Variants in VAX2 observed in about 807,000 individuals in gnomAD.
The protein encoded by VAX2 is ventral anterior homeobox 2.
Under a neutral mutation model 12.5 loss-of-function variants are expected in VAX2, and 8 were observed. The observed-to-expected ratio is 0.64, with a 90% confidence interval of 0.37 to 1.15. VAX2 has a LOEUF of 1.15. Ranked by LOEUF, VAX2 falls within the 50% of genes most tolerant of loss-of-function variation. VAX2 has a pLI of 0.01. For missense variants in VAX2, 476 were observed against 412.9 expected (o/e 1.15, Z -1.32); for synonymous variants, 183 against 187.6 (o/e 0.98, Z 0.20).
intron 1 of VAX2, among the ~76,000 whole-genome samples, chr2:70,913,704 TAAATAAATAAATA>T (rs1246152759): frequency 1.3e-5 from 2 of 151,424 alleles, no homozygotes; most frequent in African/African-American, 2.4e-5. Context: ...AATAAATAAA[TAAATAAATAAATA>T]AATAACTTTA....
intron 1 of VAX2, among the ~76,000 whole-genome samples, chr2:70,909,155 T>C (rs1312696498): frequency 1.3e-5 from 2 of 152,104 alleles, no homozygotes; most frequent in African/African-American, 2.4e-5. Context: ...GTCTTTTTAT[T>C]TTTATTATGT....
At chr2:70,927,720 G>A (rs1312934140) in intron 2 of VAX2, among the ~76,000 whole-genome samples, 3 of 152,034 alleles carry the variant, frequency 2.0e-5, no homozygotes, top group African/African-American at 7.3e-5. Flanking sequence ...CCATCTCCTG[G>A]TGCGCGGCCA....
At position 70,901,102 on chromosome 2, in the gene VAX2, C is replaced by T. The variant is rs1678913291; in HGVS notation, c.247+234C>T. ...GGTCCCCGTTTCTCCGCCTCTCGGG[C>T]CAGTCCCCTAGTTCTAGGCCCATTC... On this transcript the variant is annotated intron_variant, in intron 1 of 2. Coordinates refer to ENST00000234392, the MANE Select transcript of VAX2 (RefSeq NM_012476.3). Among the ~76,000 whole-genome samples the T allele has an allele frequency of 3.3e-5, 5 of 152,386 alleles. No individual in the cohort carries two copies. The South Asian group carries it at 8.3e-4, about 25-fold the overall frequency.
intron 1 of VAX2, among the ~76,000 whole-genome samples, chr2:70,905,682 C>T (rs11674616): frequency 0.016 from 2,387 of 152,340 alleles, 25 homozygotes; most frequent in Non-Finnish European, 0.026. Context: ...TTGCCCCACA[C>T]ACCTGCATCT....
chr2:70,912,720 G>C (rs1679216778), intron 1 of VAX2, among the ~76,000 whole-genome samples: 1 of 152,118 alleles, frequency 6.6e-6, no homozygotes, highest in Non-Finnish European at 1.5e-5. Flanking sequence ...GTGCTAGGTA[G>C]GAAAAGAAGT....
rs140956448 is a variant in VAX2 at position 70,933,050 on chromosome 2, C to A, written c.719C>A (p.Pro240Gln). The A allele has an allele frequency of 5.2e-3, 8,303 of 1,603,156 alleles. 30 individuals are homozygous for A. The highest frequency in any genetic ancestry group is 6.3e-3 in the Non-Finnish European group (7,432 of 1,174,916). ...CTGTCCTCGGCCTCAGCGTCCCCCC[C>A]ACTGCCGCCCCCTCTGCCAGCTGTC... ...NPLSSASASP[P>Q]LPPPLPAVCF... The change falls in exon 3 of 3, where the codon CCA (proline) becomes CAA (glutamine). Residue 240 changes from proline (P) to glutamine (Q), a missense_variant. Physicochemically the swap from Pro to Gln is moderately conservative, Grantham distance 76. Transcript: ENST00000234392.
At chr2:70,901,935 C>T (rs1483096229) in intron 1 of VAX2, among the ~76,000 whole-genome samples, 3 of 152,250 alleles carry the variant, frequency 2.0e-5, no homozygotes, top group Non-Finnish European at 4.4e-5. Flanking sequence ...TCCCGGCTTC[C>T]TCCTGCTGCC....
rs1679006034 is a variant in VAX2 at position 70,904,481 on chromosome 2, G to A, written c.247+3613G>A. On this transcript the variant is annotated intron_variant, in intron 1 of 2. Transcript: ENST00000234392. This position sits in a 1 kb window ranked among gnomAD's most constrained non-coding sequence, Gnocchi z 4.2. ...TTAACGACCGATTTTGATAGATCCG[G>A]GAAATTCTGTCCACCAGCGTCACCC... is the stretch of plus-strand genomic sequence containing the variant. Among the ~76,000 whole-genome samples, 1 of 152,190 alleles carries A rather than the reference G, an allele frequency of 6.6e-6. No individual in the cohort carries two copies. Among genetic ancestry groups the A allele is most frequent in the Non-Finnish European group, 1.5e-5 (1 of 68,044 alleles).
At chr2:70,918,477 G>C (rs1679355517) in intron 1 of VAX2, among the ~76,000 whole-genome samples, 2 of 152,164 alleles carry the variant, frequency 1.3e-5, no homozygotes, top group South Asian at 4.1e-4. Context: ...CTGCCAGACA[G>C]CACATCCCGA....
intron 2 of VAX2, among the ~76,000 whole-genome samples, chr2:70,921,849 G>GA (rs1392691500): frequency 6.6e-6 from 1 of 151,874 alleles, no homozygotes; most frequent in Non-Finnish European, 1.5e-5. Flanking sequence ...TAACTCAAAA[G>GA]AAAAAAACTT....
At chr2:70,913,699 A>G in intron 1 of VAX2, among the ~76,000 whole-genome samples, 1 of 151,682 alleles carries the variant, frequency 6.6e-6, no homozygotes, top group African/African-American at 2.4e-5. Flanking sequence ...AAATAAATAA[A>G]TAAATAAATA....
chr2:70,910,348 A>G (rs1679154663), intron 1 of VAX2, among the ~76,000 whole-genome samples: 1 of 152,180 alleles, frequency 6.6e-6, no homozygotes, highest in South Asian at 2.1e-4. Flanking sequence ...TATACATGGT[A>G]TGAATATAAT....
chr2:70,906,469 C>G (rs975371483), intron 1 of VAX2, among the ~76,000 whole-genome samples: 2 of 151,094 alleles, frequency 1.3e-5, no homozygotes, highest in Admixed American at 1.3e-4. Context: ...TGAACCATCT[C>G]CCCCGTGGCC....
rs539419492 is a variant in VAX2 at position 70,912,565 on chromosome 2, G to A, written c.248-8533G>A. Among the ~76,000 whole-genome samples, 354 of 152,288 alleles carry A rather than the reference G, an allele frequency of 2.3e-3. 2 individuals are homozygous for A. The highest frequency in any genetic ancestry group is 8.1e-3 in the African/African-American group (335 of 41,562). The stretch of plus-strand genomic sequence containing the variant: ...TAATCCCATCTACTCAGGAGGCTGA[G>A]GGAGGAGAATCGCTTGAACCCGGGA... On this transcript the variant is annotated intron_variant, in intron 1 of 2. Coordinates refer to ENST00000234392, the MANE Select transcript of VAX2 (RefSeq NM_012476.3).
chr2:70,906,462 A>G (rs1679060861), intron 1 of VAX2, among the ~76,000 whole-genome samples: 1 of 149,986 alleles, frequency 6.7e-6, no homozygotes, highest in African/African-American at 2.5e-5. Flanking sequence ...CCCTCCTTGA[A>G]CCATCTCCCC....
Position 70,921,318 on chromosome 2 carries a change from G to T in VAX2, c.435+33G>T, listed in dbSNP as rs782357602. The T allele has an allele frequency of 2.6e-6, 4 of 1,535,682 alleles. No homozygotes were observed. In the Admixed American group the frequency reaches 8.6e-5, roughly 33 times the overall value. On this transcript the variant is annotated intron_variant, in intron 2 of 2. Transcript: ENST00000234392. ...ACCAGGGCCAGGCCACTCCACTCTTGTCCTGGCAGCCTGGGAACTCCTGGG... is the reference window on the plus strand; with the variant it reads ...ACCAGGGCCAGGCCACTCCACTCTTTTCCTGGCAGCCTGGGAACTCCTGGG...
chr2:70,915,472 C>T (rs1308365412), intron 1 of VAX2, among the ~76,000 whole-genome samples: 1 of 151,458 alleles, frequency 6.6e-6, no homozygotes, highest in East Asian at 2.0e-4. Flanking sequence ...TCAGGTGATC[C>T]ACCTGCCTCA....
At chr2:70,925,880 T>A (rs1438703335) in intron 2 of VAX2, among the ~76,000 whole-genome samples, 2 of 152,154 alleles carry the variant, frequency 1.3e-5, no homozygotes. Context: ...AATATCTGCT[T>A]CTCTCTCTGT....
At chr2:70,907,317 G>A (rs1341788173) in intron 1 of VAX2, among the ~76,000 whole-genome samples, 9 of 152,226 alleles carry the variant, frequency 5.9e-5, no homozygotes, top group Non-Finnish European at 8.8e-5. Context: ...GGAAGCGCTG[G>A]GCCGCTCGTA....
Sources: allele counts gnomAD v4.1 joint callset (sites outside exome capture counted in the v4.1 genomes callset), GRCh38; gene constraint gnomAD v4.1.1; non-coding constraint Gnocchi (gnomAD v3.1); transcripts MANE v1.5; gene names NCBI Gene and HGNC (gene_info 2026-07-23, HGNC 2026-07-21).